Variants in TIMD4 observed in about 807,000 individuals in gnomAD.
The protein encoded by TIMD4 is T cell immunoglobulin and mucin domain containing 4.
Under a neutral mutation model 41.2 loss-of-function variants are expected in TIMD4, and 31 were observed. That is an observed-to-expected ratio of 0.75 (90% CI 0.57 to 1.01). The LOEUF (loss-of-function observed/expected upper bound fraction) is 1.01. Ranked by LOEUF, TIMD4 falls within the 50% of genes least tolerant of loss-of-function variation. TIMD4 has a pLI of 0.00. For synonymous variants in TIMD4, 204 were observed against 177.1 expected, an observed-to-expected ratio of 1.15 and a Z score of -1.21; for missense variants, 479 against 472.5, an observed-to-expected ratio of 1.01 and a Z score of -0.13.
At chr5:156,946,131 C>G (rs1004976555) in intron 5 of TIMD4, among the ~76,000 whole-genome samples, 3 of 152,138 alleles carry the variant, frequency 2.0e-5, no homozygotes, top group African/African-American at 4.8e-5. Flanking sequence ...CCTTGTAATT[C>G]AATGTAAAAT....
intron 6 of TIMD4, among the ~76,000 whole-genome samples, chr5:156,925,833 TGCGACA>T: frequency 6.6e-6 from 1 of 152,372 alleles, no homozygotes; most frequent in Non-Finnish European, 1.5e-5. Flanking sequence ...CAATGAATTT[TGCGACA>T]GCAATATCCT....
chr5:156,919,333 A>G lies in TIMD4; in HGVS notation c.*124T>C. 1.2e-6 allele frequency: 1 copy of G among 853,692 alleles called. No homozygotes were observed. The highest frequency in any genetic ancestry group is 1.9e-6 in the Non-Finnish European group (1 of 534,368). 52.9% of individuals were successfully genotyped at this position (853,692 alleles called of 1,614,324 possible). A position where few individuals can be genotyped will look rare whatever the true frequency, so the allele number is the denominator to read the frequency against. On this transcript the variant is annotated 3_prime_UTR_variant, in exon 9 of 9. Coordinates refer to ENST00000274532, the MANE Select transcript of TIMD4 (RefSeq NM_138379.3). ...ACCCTTCATTCATGAAACTAAAGCA[A>G]GCCTGGATCAATGACATCCATGGAA...
intron 2 of TIMD4, among the ~76,000 whole-genome samples, chr5:156,952,523 C>G (rs751469257): frequency 3.9e-5 from 6 of 152,212 alleles, no homozygotes; most frequent in Non-Finnish European, 1.5e-5. Flanking sequence ...TATCAGCAAC[C>G]TTCCCGCTGC....
chr5:156,951,573 C>G lies in TIMD4; in HGVS notation c.618G>C (p.Pro206=). 9 of 1,614,084 alleles carry G rather than the reference C, an allele frequency of 5.6e-6. No individual in the cohort carries two copies. The highest frequency in any genetic ancestry group is 7.6e-6 in the Non-Finnish European group (9 of 1,180,036). ...TCLSLTPSTL[P]EEATGLLTPE... ...GAGTCAGAAGACCTGTGGCTTCCTC[C>G]GGAAGGGTGCTTGGGGTTAGTGAAA... Residue 206 remains proline, a synonymous_variant, in exon 3 of 9, where the codon CCG becomes CCC. Coordinates refer to ENST00000274532, the MANE Select transcript of TIMD4 (RefSeq NM_138379.3).
intron 1 of TIMD4, among the ~76,000 whole-genome samples, chr5:156,961,210 T>A (rs950335613): frequency 6.6e-6 from 1 of 152,182 alleles, no homozygotes; most frequent in Non-Finnish European, 1.5e-5. Context: ...AAATGGCTAC[T>A]ATCAAAAAGA....
chr5:156,941,731 G>T (rs1759655485), intron 5 of TIMD4, among the ~76,000 whole-genome samples: 1 of 152,178 alleles, frequency 6.6e-6, no homozygotes, highest in Non-Finnish European at 1.5e-5. Context: ...CCACTAAAGT[G>T]TGATCCCTTT....
rs1759863620 is a variant in TIMD4 at position 156,951,759 on chromosome 5, G to A, written c.432C>T (p.Thr144=). The A allele has an allele frequency of 6.2e-7, 1 of 1,614,076 alleles. No individual in the cohort carries two copies. Residue 144 remains threonine (T), a synonymous_variant, in exon 3 of 9, where the codon ACC becomes ACT. Coordinates refer to ENST00000274532, the MANE Select transcript of TIMD4 (RefSeq NM_138379.3). ...TTGTTGTTGTTGTTCTGCGTGTGGT[G>A]GTGGTTGCTGTTCTGTGCGTGGTTG... is the stretch of plus-strand genomic sequence containing the variant. ...ASTTTHRTAT[T]TTRRTTTTSP... is the part of the protein sequence containing the mutation.
At chr5:156,953,108 G>C (rs960219739) in intron 2 of TIMD4, among the ~76,000 whole-genome samples, 1 of 152,148 alleles carries the variant, frequency 6.6e-6, no homozygotes, top group Non-Finnish European at 1.5e-5. Flanking sequence ...ACTTCGAAAT[G>C]ACCTCATAAT....
chr5:156,958,900 C>A (rs1261434157), intron 1 of TIMD4, among the ~76,000 whole-genome samples: 4 of 152,090 alleles, frequency 2.6e-5, no homozygotes, highest in Non-Finnish European at 5.9e-5. Context: ...AGACTCCAAG[C>A]CATTTAATGA....
intron 5 of TIMD4, among the ~76,000 whole-genome samples, chr5:156,933,678 C>T (rs926657489): frequency 6.6e-5 from 10 of 152,050 alleles, no homozygotes; most frequent in Admixed American, 1.3e-4. Flanking sequence ...AGCGATTCTC[C>T]TGCCTCAGTC....
At chr5:156,925,748 T>A (rs545240191) in intron 6 of TIMD4, among the ~76,000 whole-genome samples, 1 of 152,260 alleles carries the variant, frequency 6.6e-6, no homozygotes, top group Non-Finnish European at 1.5e-5. Flanking sequence ...TATTGGCACA[T>A]ACAGATGTAA....
At chr5:156,949,621 G>A in intron 4 of TIMD4, 30 bp downstream of exon 4, 1 of 1,557,754 alleles carries the variant, frequency 6.4e-7, no homozygotes, top group Non-Finnish European at 8.9e-7. Flanking sequence ...AAAGGGTGAG[G>A]GAGGACAGAG....
rs1446535815 is a variant in TIMD4 at position 156,922,167 on chromosome 5, A to G, written c.944T>C (p.Leu315Pro). The G allele has an allele frequency of 6.2e-7, 1 of 1,613,970 alleles. No individual in the cohort carries two copies. Among genetic ancestry groups the G allele is most frequent in the Non-Finnish European group, 8.5e-7 (1 of 1,179,982 alleles). Residue 315 changes from leucine to proline, a missense_variant, in exon 7 of 9, where the codon CTA becomes CCA. Coordinates refer to ENST00000274532, the MANE Select transcript of TIMD4 (RefSeq NM_138379.3). ...SMKNEMPISQ[L>P]LMIIAPSLGF... ...CAAGGAGGGGGCGATGATCATCAGT[A>G]GTTGGGAGATGGGCATTTCATTCTT...
In TIMD4 at chr5:156,951,560, C is replaced by A. The variant is rs768019037; in HGVS notation, c.631G>T (p.Gly211Cys). The change falls in exon 3 of 9, where the codon GGT (glycine) becomes TGT (cysteine). Residue 211 changes from glycine (G) to cysteine (C), a missense_variant. Physicochemically the swap from Gly to Cys is radical, Grantham distance 159. Transcript: ENST00000274532. ...TTAGAAGGCTCGGGAGTCAGAAGAC[C>A]TGTGGCTTCCTCCGGAAGGGTGCTT... is the stretch of plus-strand genomic sequence containing the variant. ...TPSTLPEEATGLLTPEPSKEG... is the reference protein window; with the variant it reads ...TPSTLPEEATCLLTPEPSKEG... The A allele has an allele frequency of 1.2e-6, 2 of 1,614,162 alleles. No homozygotes were observed. The highest frequency in any genetic ancestry group is 3.3e-5 in the Admixed American group (2 of 60,024).
intron 5 of TIMD4, among the ~76,000 whole-genome samples, chr5:156,929,075 C>T (rs1219789491): frequency 6.6e-6 from 1 of 152,010 alleles, no homozygotes; most frequent in Admixed American, 6.5e-5. Flanking sequence ...TGCTAAAAGC[C>T]CAAATGGGAA....
Position 156,928,893 on chromosome 5 carries a change from A to G in TIMD4, c.845-2581T>C, listed in dbSNP as rs769274022. On this transcript the variant is annotated intron_variant, in intron 5 of 8. Transcript: ENST00000274532. ...TGTATTACAATCATTTGTGATGAAT[A>G]AGCCTGAAATTGAAACTATCAAACA... Among the ~76,000 whole-genome samples, 83 of 152,216 alleles carry G rather than the reference A, an allele frequency of 5.5e-4. 1 individual carries two copies. The highest frequency in any genetic ancestry group is 7.3e-5 in the Non-Finnish European group (5 of 68,038).
chr5:156,921,340 G>T (rs1212782311), intron 7 of TIMD4, among the ~76,000 whole-genome samples: 1 of 152,050 alleles, frequency 6.6e-6, no homozygotes, highest in African/African-American at 2.4e-5. Context: ...CCAGGATCAC[G>T]CCAGGCATGG....
chr5:156,953,242 C>T (rs1179643919), intron 2 of TIMD4, among the ~76,000 whole-genome samples: 1 of 152,186 alleles, frequency 6.6e-6, no homozygotes, highest in Non-Finnish European at 1.5e-5. Context: ...ATTGGAATAG[C>T]TTTTATCTCA....
At chr5:156,925,851 C>T (rs1759337815) in intron 6 of TIMD4, among the ~76,000 whole-genome samples, 1 of 152,178 alleles carries the variant, frequency 6.6e-6, no homozygotes, top group East Asian at 1.9e-4. Context: ...CAATATCCTG[C>T]TTTTCCTAGT....
Sources: gnomAD v4.1 joint callset for allele counts (sites outside exome capture counted in the v4.1 genomes callset) on GRCh38, gnomAD v4.1.1 for gene constraint, MANE v1.5 for transcripts, NCBI Gene and HGNC (gene_info 2026-07-23, HGNC 2026-07-21) for gene names.